ZFYVE28: variants seen among roughly 807,000 people sequenced by gnomAD.
ZFYVE28 encodes the protein zinc finger FYVE-type containing 28, also known as lateral signaling target protein 2 homolog.
ZFYVE28 carries 40 observed loss-of-function variants against 82.1 expected under a neutral mutation model. The ratio of observed to expected loss-of-function variants is 0.49; its 90% CI spans 0.38 to 0.63. ZFYVE28 has a LOEUF of 0.63. Among genes scored for constraint, ZFYVE28 ranks in the 30% least tolerant of loss-of-function variants. ZFYVE28 has a pLI of 0.00. For missense variants in ZFYVE28, 1,321 were observed against 1,242.1 expected, an observed-to-expected ratio of 1.06 and a Z score of -0.96; for synonymous variants, 612 against 546.1, an observed-to-expected ratio of 1.12 and a Z score of -1.68.
At chr4:2,363,875 G>A (rs767910910) in intron 1 of ZFYVE28, among the ~76,000 whole-genome samples, 1 of 152,180 alleles carries the variant, frequency 6.6e-6, no homozygotes, top group Admixed American at 6.5e-5. Flanking sequence ...AAGAACCAAG[G>A]CTCAGAGAGG....
At chr4:2,298,884 C>T (rs748789598) in intron 8 of ZFYVE28, among the ~76,000 whole-genome samples, 3 of 152,124 alleles carry the variant, frequency 2.0e-5, no homozygotes, top group South Asian at 2.1e-4. Flanking sequence ...GACTAGTCAT[C>T]GGGGCTGCAG....
intron 1 of ZFYVE28, among the ~76,000 whole-genome samples, chr4:2,387,142 C>T (rs919980390): frequency 3.3e-5 from 5 of 152,222 alleles, no homozygotes; most frequent in Non-Finnish European, 5.9e-5. Flanking sequence ...CGTTTGCCTG[C>T]AGGAGGAGGC....
intron 1 of ZFYVE28, among the ~76,000 whole-genome samples, chr4:2,381,185 G>C (rs1362146529): frequency 6.6e-6 from 1 of 151,980 alleles, no homozygotes. Flanking sequence ...TGAAGCAAAA[G>C]TGACCCTTGT....
In ZFYVE28 at chr4:2,341,936, C is replaced by T. The variant is rs374029636; in HGVS notation, c.181-321G>A. Among the ~76,000 whole-genome samples, 134 of 152,336 alleles carry T rather than the reference C, an allele frequency of 8.8e-4. 1 individual carries two copies. The South Asian group carries it at 0.027, about 31-fold the overall frequency. ...TAGGGAGGCTGAGGCAGGAGAATCA[C>T]TTGAACCAGGGAGGCAGAGGTTGCA... On this transcript the variant is annotated intron_variant, in intron 2 of 12. Coordinates refer to ENST00000290974, the MANE Select transcript of ZFYVE28 (RefSeq NM_020972.3). This position sits in a 1 kb window ranked among gnomAD's most constrained non-coding sequence, Gnocchi z 4.5.
chr4:2,271,508 T>C (rs1334676460), intron 11 of ZFYVE28, 94 bp from the exon 12 acceptor site: 2 of 1,470,668 alleles, frequency 1.4e-6, no homozygotes, highest in Non-Finnish European at 1.9e-6. Context: ...CTTTCCAGAC[T>C]GCCAAGCCGC....
At chr4:2,308,311 C>A (rs910118955) in intron 7 of ZFYVE28, among the ~76,000 whole-genome samples, 1 of 151,932 alleles carries the variant, frequency 6.6e-6, no homozygotes, top group African/African-American at 2.4e-5. Flanking sequence ...GAAGTACACA[C>A]AGCAGAAAAG....
intron 1 of ZFYVE28, among the ~76,000 whole-genome samples, chr4:2,413,394 C>G (rs1241559458): frequency 6.6e-6 from 1 of 152,216 alleles, no homozygotes; most frequent in Non-Finnish European, 1.5e-5. Flanking sequence ...GCAGAGCCGC[C>G]GGGGGAGCCC....
intron 8 of ZFYVE28, chr4:2,287,271 C>T (rs1455373094): frequency 6.6e-6 from 1 of 152,334 alleles, no homozygotes; most frequent in African/African-American, 2.4e-5. Context: ...CTAAGAGCAT[C>T]TCTCACCCGC....
chr4:2,389,777 C>A (rs1018470895), intron 1 of ZFYVE28, among the ~76,000 whole-genome samples: 3 of 152,194 alleles, frequency 2.0e-5, no homozygotes, highest in African/African-American at 7.2e-5. Context: ...GGTGGCCCTG[C>A]AGAGGTCCTG....
chr4:2,334,612 C>T (rs1008168556), intron 6 of ZFYVE28, among the ~76,000 whole-genome samples: 1 of 151,778 alleles, frequency 6.6e-6, no homozygotes, highest in Admixed American at 6.6e-5. Flanking sequence ...CAGTCGTGGC[C>T]TCTGTGCCCA....
At chr4:2,336,568 C>CA (rs796201781) in intron 5 of ZFYVE28, among the ~76,000 whole-genome samples, 3 of 152,172 alleles carry the variant, frequency 2.0e-5, no homozygotes, top group African/African-American at 4.8e-5. Context: ...CCCTGCCCCC[C>CA]CCACTCCCTA....
In ZFYVE28 at chr4:2,320,301, CA is replaced by C; in HGVS notation, c.702-31del. 6.3e-7 allele frequency: 1 copy of C among 1,599,212 alleles called. No individual in the cohort carries two copies. On this transcript the variant is annotated intron_variant, in intron 6 of 12. Coordinates refer to ENST00000290974, the MANE Select transcript of ZFYVE28 (RefSeq NM_020972.3). The surrounding 1 kb of genome is among the most constrained non-coding windows in gnomAD (Gnocchi z 5.1). ...ATTTGAGACACAAAAGCCAGGATGTCAGGCCCTGTGGCCCCCTGGGTGCCGC... is the reference window on the plus strand; with the variant it reads ...ATTTGAGACACAAAAGCCAGGATGTCGGCCCTGTGGCCCCCTGGGTGCCGC...
chr4:2,356,661 A>G (rs1560273317), intron 1 of ZFYVE28, among the ~76,000 whole-genome samples: 1 of 152,160 alleles, frequency 6.6e-6, no homozygotes, highest in Non-Finnish European at 1.5e-5. Context: ...TCCGTGATGA[A>G]ATGGGAAGAA....
intron 8 of ZFYVE28, among the ~76,000 whole-genome samples, chr4:2,288,462 C>T (rs1713099674): frequency 6.6e-6 from 1 of 152,230 alleles, no homozygotes; most frequent in South Asian, 2.1e-4. Context: ...GCAGCGCCTG[C>T]CTCCGAGGGG....
chr4:2,410,300 C>A (rs988912365), intron 1 of ZFYVE28, among the ~76,000 whole-genome samples: 6 of 152,122 alleles, frequency 3.9e-5, no homozygotes, highest in African/African-American at 1.4e-4. Flanking sequence ...CTGGCAACCG[C>A]CGATCTGCTT....
At chr4:2,325,218 A>G (rs188347160) in intron 6 of ZFYVE28, 115 of 152,344 alleles carry the variant, frequency 7.5e-4, no homozygotes, top group African/African-American at 2.3e-3. Flanking sequence ...ATCAAATAGC[A>G]TAGAATCTAT....
intron 1 of ZFYVE28, among the ~76,000 whole-genome samples, chr4:2,375,841 A>G (rs1728074777): frequency 6.6e-6 from 1 of 151,948 alleles, no homozygotes; most frequent in Admixed American, 6.6e-5. Flanking sequence ...TAGTTTTCAT[A>G]TTGATTATAT....
At chr4:2,385,845 C>T (rs1729202969) in intron 1 of ZFYVE28, among the ~76,000 whole-genome samples, 4 of 152,232 alleles carry the variant, frequency 2.6e-5, no homozygotes, top group Admixed American at 6.5e-5. Context: ...CAGGCGCCCT[C>T]ACAGGGGACC....
At chr4:2,350,385 A>C (rs1724215946) in intron 2 of ZFYVE28, among the ~76,000 whole-genome samples, 2 of 151,708 alleles carry the variant, frequency 1.3e-5, no homozygotes, top group African/African-American at 4.8e-5. Context: ...AATGGTGTGA[A>C]CCTGGGAGGC....
Sources: allele counts gnomAD v4.1 joint callset (sites outside exome capture counted in the v4.1 genomes callset), GRCh38; gene constraint gnomAD v4.1.1; non-coding constraint Gnocchi (gnomAD v3.1); transcripts MANE v1.5; gene names NCBI Gene and HGNC (gene_info 2026-07-23, HGNC 2026-07-21).